Variants in PTBP2 observed in about 807,000 individuals in gnomAD.
The protein encoded by PTBP2 is polypyrimidine tract binding protein 2.
A neutral mutation model predicts 61.4 loss-of-function variants in PTBP2; 13 were observed. The ratio of observed to expected loss-of-function variants is 0.21; its 90% CI spans 0.14 to 0.34. PTBP2 has a LOEUF of 0.34. Ranked by LOEUF, PTBP2 falls within the 10% of genes least tolerant of loss-of-function variation. PTBP2 has a pLI of 1.00. For missense variants in PTBP2, 405 were observed against 642.6 expected (o/e 0.63, Z 4.00); for synonymous variants, 215 against 218.5 (o/e 0.98, Z 0.14).
chr1:96,786,311 C>G (rs1290630961), intron 8 of PTBP2, among the ~76,000 whole-genome samples: 3 of 152,076 alleles, frequency 2.0e-5, no homozygotes, highest in African/African-American at 7.2e-5. Flanking sequence ...CCTGTTAATT[C>G]TGGCAGCTGC....
At chr1:96,727,108 T>C (rs1650672080) in intron 2 of PTBP2, among the ~76,000 whole-genome samples, 2 of 152,198 alleles carry the variant, frequency 1.3e-5, no homozygotes, top group South Asian at 4.1e-4. Flanking sequence ...TCTGTCACTA[T>C]AGATTAGTTC....
At chr1:96,810,291 C>T (rs913658072) in intron 11 of PTBP2, among the ~76,000 whole-genome samples, 4 of 151,888 alleles carry the variant, frequency 2.6e-5, no homozygotes, top group Admixed American at 6.5e-5. Flanking sequence ...GTGTAAGATT[C>T]ACATTGTTTA....
chr1:96,777,998 G>T, intron 7 of PTBP2, 52 bp downstream of exon 7: 1 of 953,272 alleles, frequency 1.0e-6, no homozygotes, highest in Non-Finnish European at 1.6e-6. Flanking sequence ...TGTATATGTA[G>T]AAAAATATAT....
rs551957276 is a variant in PTBP2 at position 96,751,094 on chromosome 1, C to G, written c.40-331C>G. On this transcript the variant is annotated intron_variant, in intron 2 of 13. Transcript: ENST00000674951. ...CCATTGGGATGGAGGATTTATAGAA[C>G]GTTTCTGAGAAAGTCTAGCTGTTGT... Among the ~76,000 whole-genome samples the G allele has an allele frequency of 2.0e-5, 3 of 152,142 alleles. No homozygotes were observed. The East Asian group carries it at 5.8e-4, about 29-fold the overall frequency.
chr1:96,779,790 A>C (rs1464226229), intron 7 of PTBP2, among the ~76,000 whole-genome samples: 1 of 152,020 alleles, frequency 6.6e-6, no homozygotes, highest in Non-Finnish European at 1.5e-5. Context: ...CCTTTGGTAA[A>C]ATTTGCATTT....
chr1:96,729,982 C>T (rs1651179290), intron 2 of PTBP2, among the ~76,000 whole-genome samples: 1 of 152,134 alleles, frequency 6.6e-6, no homozygotes, highest in Non-Finnish European at 1.5e-5. Flanking sequence ...CCCGCCCTGC[C>T]TCACAAAGTG....
chr1:96,729,867 G>A (rs774260309), intron 2 of PTBP2, among the ~76,000 whole-genome samples: 1 of 151,564 alleles, frequency 6.6e-6, no homozygotes, highest in Non-Finnish European at 1.5e-5. Flanking sequence ...ATCCCAAGTA[G>A]CTGGGATCAC....
chr1:96,771,410 T>C (rs1349060392), intron 5 of PTBP2: 1 of 151,972 alleles, frequency 6.6e-6, no homozygotes, highest in Non-Finnish European at 1.5e-5. Flanking sequence ...TTAGCTGTTT[T>C]AATATAGTTT....
intron 2 of PTBP2, among the ~76,000 whole-genome samples, chr1:96,741,284 CAG>C (rs1395774553): frequency 6.6e-6 from 1 of 151,820 alleles, no homozygotes; most frequent in Non-Finnish European, 1.5e-5. Context: ...TTTTGAGAGA[CAG>C]AGTCTCACTG....
intron 13 of PTBP2, 44 bp from the exon 14 acceptor site, chr1:96,813,232 C>A: frequency 6.4e-7 from 1 of 1,565,088 alleles, no homozygotes; most frequent in Non-Finnish European, 8.6e-7. Context: ...TAAGCCCTTT[C>A]TAATTTGTAT....
intron 2 of PTBP2, 128 bp downstream of exon 2, chr1:96,723,722 A>G (rs1360975313): frequency 2.6e-6 from 2 of 778,878 alleles, no homozygotes. Flanking sequence ...GTTTCCTTTC[A>G]TTTGTAAAGT....
chr1:96,751,531 T>G, intron 3 of PTBP2, 31 bp downstream of exon 3: 2 of 1,555,220 alleles, frequency 1.3e-6, no homozygotes. Context: ...AGTCTGTCAT[T>G]TGCCATTTTA....
At chr1:96,725,172 A>T (rs1650225271) in intron 2 of PTBP2, among the ~76,000 whole-genome samples, 1 of 152,230 alleles carries the variant, frequency 6.6e-6, no homozygotes, top group Non-Finnish European at 1.5e-5. Context: ...AATAAATGAT[A>T]CAAGTGTGAG....
At chr1:96,768,084 A>G (rs960859210) in intron 3 of PTBP2, among the ~76,000 whole-genome samples, 3 of 152,192 alleles carry the variant, frequency 2.0e-5, no homozygotes, top group Non-Finnish European at 2.9e-5. Flanking sequence ...TGATCATCCA[A>G]TAAAGTCATT....
At chr1:96,807,350 C>A (rs934446905) in intron 11 of PTBP2, among the ~76,000 whole-genome samples, 3 of 152,088 alleles carry the variant, frequency 2.0e-5, no homozygotes, top group African/African-American at 4.8e-5. Context: ...TAAAGTCTTG[C>A]GATACCAGGT....
intron 7 of PTBP2, among the ~76,000 whole-genome samples, chr1:96,780,028 T>C: frequency 6.6e-6 from 1 of 152,020 alleles, no homozygotes; most frequent in Non-Finnish European, 1.5e-5. Context: ...TTCTACCATA[T>C]CTCTCCTCAC....
At chr1:96,758,840 A>G (rs1348590542) in intron 3 of PTBP2, among the ~76,000 whole-genome samples, 1 of 152,112 alleles carries the variant, frequency 6.6e-6, no homozygotes, top group Non-Finnish European at 1.5e-5. Flanking sequence ...AGACATAAAG[A>G]TTGTAAAGGA....
chr1:96,799,981 G>A (rs1660807840), intron 8 of PTBP2, among the ~76,000 whole-genome samples: 1 of 152,228 alleles, frequency 6.6e-6, no homozygotes, highest in African/African-American at 2.4e-5. Flanking sequence ...CAGTGATTTA[G>A]AACGGTGTAA....
chr1:96,769,674 T>C, intron 3 of PTBP2, 29 bp from the exon 4 acceptor site: 5 of 1,467,016 alleles, frequency 3.4e-6, no homozygotes, highest in Non-Finnish European at 3.7e-6. Context: ...ATTGTTGATA[T>C]ATAAGGACTG....
Sources: allele counts gnomAD v4.1 joint callset (sites outside exome capture counted in the v4.1 genomes callset), GRCh38; gene constraint gnomAD v4.1.1; transcripts MANE v1.5; gene names NCBI Gene and HGNC (gene_info 2026-07-23, HGNC 2026-07-21).